The following GSTA3 variants were observed in gnomAD, a reference collection of about 807,000 sequenced individuals.
GSTA3 encodes glutathione S-transferase alpha 3.
Under a neutral mutation model 23.1 loss-of-function variants are expected in GSTA3, and 16 were observed. The observed-to-expected ratio is 0.69, with a 90% confidence interval of 0.47 to 1.05. The LOEUF is 1.05. Ranked by LOEUF, GSTA3 falls within the 50% of genes least tolerant of loss-of-function variation. The pLI is 0.00. For synonymous variants in GSTA3, 122 were observed against 91.0 expected, an observed-to-expected ratio of 1.34 and a Z score of -1.94; for missense variants, 319 against 263.6, an observed-to-expected ratio of 1.21 and a Z score of -1.46.
rs760611090 is a variant in GSTA3, at chr6:52,897,970, G to A, written c.415-14C>T. 2.2e-5 allele frequency: 36 copies of A among 1,613,728 alleles called. No individual in the cohort carries two copies. The highest frequency in any genetic ancestry group is 3.0e-5 in the Non-Finnish European group (35 of 1,179,826). ...GCTCTGTAACACCTGGAGAATTTGA[G>A]GAATCAGATCAGGAATACATGCGCA... On this transcript the variant is annotated splice_polypyrimidine_tract_variant and intron_variant, in intron 5 of 6. Coordinates refer to ENST00000211122, the MANE Select transcript of GSTA3 (RefSeq NM_000847.5).
chr6:52,902,906 G>T (rs142222492), intron 3 of GSTA3, among the ~76,000 whole-genome samples: 1 of 152,276 alleles, frequency 6.6e-6, no homozygotes, highest in African/African-American at 2.4e-5. Context: ...CCCTTTCTGT[G>T]TTCTTCCAAG....
At chr6:52,900,165 G>A (rs773885571) in intron 4 of GSTA3, 90 bp from the exon 5 acceptor site, 3 of 1,113,002 alleles carry the variant, frequency 2.7e-6, no homozygotes, top group Admixed American at 2.5e-5. Flanking sequence ...GGGTCAGATG[G>A]TGGTAAGGTA....
rs369317749 is a variant in GSTA3 at position 52,903,681 on chromosome 6, C to T, written c.134G>A (p.Arg45Lys). The T allele has an allele frequency of 6.4e-6, 10 of 1,556,992 alleles. No individual in the cohort carries two copies. In the African/African-American group the frequency reaches 1.4e-4, roughly 21 times the overall value. ...ACTTAGAGACTTGATCTTACCATTT[C>T]TTAACTTTCCCAAATCTTCTGCAGA... ...IGSAEDLGKL[R>K]NDGSLMFQQV... Residue 45 changes from arginine to lysine, a missense_variant, in exon 3 of 7, where the codon AGA becomes AAA. Transcript: ENST00000211122.
Position 52,902,366 on chromosome 6 carries a change from T to G in GSTA3, c.252A>C (p.Lys84Asn). 6.2e-7 allele frequency: 1 copy of G among 1,613,938 alleles called. No individual in the cohort carries two copies. Residue 84 changes from lysine (K) to asparagine (N), a missense_variant, in exon 4 of 7, where the codon AAA (lysine) becomes AAC (asparagine). Transcript: ENST00000211122. ...CGTACAGGGCTCTCTCCTTTATGTCTTTCCCGTAGAGGTTGTATTTGCTGG... is the reference window on the plus strand; with the variant it reads ...CGTACAGGGCTCTCTCCTTTATGTCGTTCCCGTAGAGGTTGTATTTGCTGG... ...YIASKYNLYGKDIKERALIDM... is the reference protein window; with the variant it reads ...YIASKYNLYGNDIKERALIDM...
chr6:52,903,677 A>G lies in GSTA3; in HGVS notation c.138T>C (p.Asn46=), dbSNP rs1184174536. Residue 46 remains asparagine (N), a splice_region_variant and synonymous_variant, in exon 3 of 7, where the codon AAT becomes AAC. Transcript: ENST00000211122. ...AGGCACTTAGAGACTTGATCTTACC[A>G]TTTCTTAACTTTCCCAAATCTTCTG... ...GSAEDLGKLR[N]DGSLMFQQVP... 7.1e-6 allele frequency: 11 copies of G among 1,544,982 alleles called. No individual in the cohort carries two copies. The highest frequency in any genetic ancestry group is 2.3e-5 in the East Asian group (1 of 44,436).
Position 52,896,798 on chromosome 6 carries a change from C to T in GSTA3, c.*8G>A, listed in dbSNP as rs1765453816. ...TCTTGCATGTTCTTAGCCTCCATGG[C>T]TGCTTTATTAAAACCTGAAAATCTT... On this transcript the variant is annotated 3_prime_UTR_variant, in exon 7 of 7. Coordinates refer to ENST00000211122, the MANE Select transcript of GSTA3 (RefSeq NM_000847.5). 2 of 1,613,828 alleles carry T rather than the reference C, an allele frequency of 1.2e-6. No individual in the cohort carries two copies. The highest frequency in any genetic ancestry group is 2.2e-5 in the South Asian group (2 of 91,066).
intron 5 of GSTA3, among the ~76,000 whole-genome samples, chr6:52,898,190 G>T (rs1365919427): frequency 6.6e-6 from 1 of 152,064 alleles, no homozygotes; most frequent in Non-Finnish European, 1.5e-5. Flanking sequence ...ACATCACTGT[G>T]GCATCCACAC....
intron 2 of GSTA3, among the ~76,000 whole-genome samples, chr6:52,904,235 C>A (rs1477267483): frequency 1.3e-5 from 2 of 152,070 alleles, no homozygotes; most frequent in African/African-American, 4.8e-5. Context: ...AGCAATCCTC[C>A]CCTATCGGCC....
At position 52,903,712 on chromosome 6, in the gene GSTA3, T is replaced by C. The variant is rs371236750; in HGVS notation, c.103A>G (p.Ile35Val). The C allele has an allele frequency of 1.2e-5, 19 of 1,590,876 alleles. No individual in the cohort carries two copies. The African/African-American group carries it at 2.3e-4, about 19-fold the overall frequency. ...TTTCCCAAATCTTCTGCAGATCCTA[T>C]AAATTTCTCTTCAAACTGGAAGCAG... ...AAGVEFEEKF[I>V]GSAEDLGKLR... The change falls in exon 3 of 7, where the codon ATA becomes GTA. Residue 35 changes from isoleucine to valine, a missense_variant. Ile to Val is a conservative substitution (Grantham distance 29). Coordinates refer to ENST00000211122, the MANE Select transcript of GSTA3 (RefSeq NM_000847.5).
intron 1 of GSTA3, among the ~76,000 whole-genome samples, chr6:52,906,885 C>T (rs868765870): frequency 5.3e-5 from 8 of 151,408 alleles, no homozygotes; most frequent in East Asian, 1.9e-4. Flanking sequence ...GGCAATACCA[C>T]TCAGGACATA....
rs185262489 is a variant in GSTA3 at position 52,896,789 on chromosome 6, C to T, written c.*17G>A. 6.8e-6 allele frequency: 11 copies of T among 1,613,426 alleles called. No homozygotes were observed. Among genetic ancestry groups the T allele is most frequent in the Non-Finnish European group, 8.5e-6 (10 of 1,179,696 alleles). ...GAATATTGGTCTTGCATGTTCTTAG[C>T]CTCCATGGCTGCTTTATTAAAACCT... On this transcript the variant is annotated 3_prime_UTR_variant, in exon 7 of 7. Coordinates refer to ENST00000211122, the MANE Select transcript of GSTA3 (RefSeq NM_000847.5).
intron 5 of GSTA3, among the ~76,000 whole-genome samples, chr6:52,899,034 ATGAGTT>A (rs1765571596): frequency 6.6e-6 from 1 of 152,142 alleles, no homozygotes; most frequent in South Asian, 2.1e-4. Flanking sequence ...GGTAATCGGA[ATGAGTT>A]TGGGTAGAGC....
chr6:52,902,532 T>G, intron 3 of GSTA3, 54 bp from the exon 4 acceptor site: 1 of 1,531,238 alleles, frequency 6.5e-7, no homozygotes, highest in Non-Finnish European at 8.9e-7. Flanking sequence ...TCCCACTATT[T>G]CAGGAAGAAA....
At chr6:52,902,216 A>G (rs760587789) in intron 4 of GSTA3, 130 bp downstream of exon 4, 1 of 1,026,892 alleles carries the variant, frequency 9.7e-7, no homozygotes, top group Non-Finnish European at 1.5e-6. Flanking sequence ...GCAATACTGG[A>G]CCTCAGTATA....
intron 1 of GSTA3, among the ~76,000 whole-genome samples, chr6:52,908,942 G>A (rs1765982311): frequency 6.6e-6 from 1 of 152,066 alleles, no homozygotes; most frequent in Non-Finnish European, 1.5e-5. Context: ...GGAAGAAGAG[G>A]CAGAAGAGGA....
Position 52,896,926 on chromosome 6 carries a change from G to A in GSTA3, c.549C>T (p.Ala183=). 1 of 1,613,794 alleles carries A rather than the reference G, an allele frequency of 6.2e-7. No individual in the cohort carries two copies. The highest frequency in any genetic ancestry group is 2.2e-5 in the East Asian group (1 of 44,878). Residue 183 remains alanine, a splice_region_variant and synonymous_variant, in exon 7 of 7, where the codon GCC becomes GCT. Transcript: ENST00000211122. Reference sequence around the variant, plus strand: ...GCAGGTTGCTGATTCTGGTTTTCAGGGCCTGTAATTCACAAAGCACAGCCT... The same window carrying A: ...GCAGGTTGCTGATTCTGGTTTTCAGAGCCTGTAATTCACAAAGCACAGCCT... ...SLISNFPLLK[A]LKTRISNLPT...
At chr6:52,905,529 T>C (rs934221092) in intron 2 of GSTA3, among the ~76,000 whole-genome samples, 2 of 152,030 alleles carry the variant, frequency 1.3e-5, no homozygotes, top group African/African-American at 4.8e-5. Flanking sequence ...TCAAAATATA[T>C]TTTAATTGTT....
At chr6:52,900,921 A>G (rs142976408) in intron 4 of GSTA3, among the ~76,000 whole-genome samples, 173 of 152,330 alleles carry the variant, frequency 1.1e-3, no homozygotes, top group African/African-American at 4.1e-3. Flanking sequence ...AATTACTCCC[A>G]TGAAACATAA....
chr6:52,909,111 G>A lies in GSTA3; in HGVS notation c.-22+530C>T, dbSNP rs373052214. 1.6e-3 allele frequency among the ~76,000 whole-genome samples: 238 copies of A among 152,298 alleles called. 4 individuals are homozygous for A. The highest frequency in any genetic ancestry group is 6.8e-3 in the Middle Eastern group (2 of 294). ...TCTGTGTAAAATCAATGATGGAAGT[G>A]TAAATTTAGATCCTGATTGTCAAGC... On this transcript the variant is annotated intron_variant, in intron 1 of 6. Coordinates refer to ENST00000211122, the MANE Select transcript of GSTA3 (RefSeq NM_000847.5).
Sources: allele counts gnomAD v4.1 joint callset (sites outside exome capture counted in the v4.1 genomes callset), GRCh38; gene constraint gnomAD v4.1.1; transcripts MANE v1.5; gene names NCBI Gene and HGNC (gene_info 2026-07-23, HGNC 2026-07-21).